Variants in TPST2 observed in about 807,000 individuals in gnomAD.
TPST2 encodes the protein protein-tyrosine sulfotransferase 2.
Under a neutral mutation model 27.8 loss-of-function variants are expected in TPST2, and 16 were observed. That is an observed-to-expected ratio of 0.58 (90% confidence interval 0.39 to 0.88). The LOEUF (loss-of-function observed/expected upper bound fraction) is 0.88, where lower values mean the gene tolerates loss of function less well. Ranked by LOEUF, TPST2 falls within the 40% of genes least tolerant of loss-of-function variation. The probability of loss-of-function intolerance (pLI) is 0.00; values close to 1 mark genes in which losing one functional copy is unlikely to be tolerated. For missense variants in TPST2, 464 were observed against 543.1 expected, an observed-to-expected ratio of 0.85 and a Z score of 1.45; for synonymous variants, 229 against 231.7, an observed-to-expected ratio of 0.99 and a Z score of 0.10.
At chr22:26,562,805 TACAG>T (rs1439730842) in intron 1 of TPST2, among the ~76,000 whole-genome samples, 2 of 152,104 alleles carry the variant, frequency 1.3e-5, no homozygotes, top group East Asian at 3.9e-4. Context: ...GTACTTTTAG[TACAG>T]ACAAGGTTTC....
intron 1 of TPST2, among the ~76,000 whole-genome samples, chr22:26,549,225 T>C (rs1283460054): frequency 6.6e-6 from 1 of 152,166 alleles, no homozygotes; most frequent in African/African-American, 2.4e-5. Flanking sequence ...TTTATCCCCA[T>C]CTGAGAAGTG....
rs112340628 is a variant in TPST2 at position 26,525,422 on chromosome 22, C to T, written c.*853G>A. The T allele has an allele frequency of 0.011, 1,654 of 152,320 alleles. 12 individuals carry two copies. Among genetic ancestry groups the T allele is most frequent in the Non-Finnish European group, 0.016 (1,099 of 68,054 alleles). The allele number at this position is 152,320 out of a possible 1,614,324, so 9.4% of individuals were successfully genotyped here. ...AGAGACGGGGTTTCACCATGTTGGC[C>T]AGGCTGGTCTCGAACTCCTGACCTC... is the stretch of plus-strand genomic sequence containing the variant. On this transcript the variant is annotated 3_prime_UTR_variant, in exon 7 of 7. Coordinates refer to ENST00000338754, the MANE Select transcript of TPST2 (RefSeq NM_003595.5).
chr22:26,531,277 G>A (rs558916003), intron 5 of TPST2, among the ~76,000 whole-genome samples: 34 of 152,290 alleles, frequency 2.2e-4, no homozygotes, highest in African/African-American at 7.7e-4. Context: ...AAATGGTCTT[G>A]AAGAAGCTGT....
intron 1 of TPST2, among the ~76,000 whole-genome samples, chr22:26,577,095 C>CA (rs34865016): frequency 0.018 from 1,348 of 75,298 alleles, 26 homozygotes; most frequent in African/African-American, 0.032. Flanking sequence ...GACTCTGTTG[C>CA]AAAAAAAAAA....
chr22:26,527,474 A>T (rs12159480), intron 6 of TPST2, among the ~76,000 whole-genome samples: 1 of 152,208 alleles, frequency 6.6e-6, no homozygotes, highest in Non-Finnish European at 1.5e-5. Flanking sequence ...TGAAGAAAAC[A>T]GGGGCTGAAG....
intron 1 of TPST2, among the ~76,000 whole-genome samples, chr22:26,580,866 G>A (rs1166003740): frequency 2.6e-5 from 4 of 152,026 alleles, no homozygotes; most frequent in Non-Finnish European, 4.4e-5. Context: ...GAAGACTTTC[G>A]CTCTGTGATT....
intron 3 of TPST2, 152 bp from the exon 4 acceptor site, chr22:26,536,638 T>C: frequency 1.5e-6 from 1 of 646,068 alleles, no homozygotes; most frequent in Non-Finnish European, 2.5e-6. Flanking sequence ...GGCAGGTGAG[T>C]CATTTTTGCC....
At chr22:26,558,673 G>A (rs974679183) in intron 1 of TPST2, among the ~76,000 whole-genome samples, 2 of 152,154 alleles carry the variant, frequency 1.3e-5, no homozygotes, top group Admixed American at 1.3e-4. Flanking sequence ...CAGAGTGGTG[G>A]GGGAGACCCT....
intron 1 of TPST2, among the ~76,000 whole-genome samples, chr22:26,552,210 C>G (rs1176376108): frequency 6.6e-6 from 1 of 152,148 alleles, no homozygotes; most frequent in Non-Finnish European, 1.5e-5. Context: ...CATTACAGCA[C>G]ATGGATAAAG....
intron 1 of TPST2, among the ~76,000 whole-genome samples, chr22:26,553,303 G>A (rs1257504488): frequency 6.6e-6 from 1 of 151,630 alleles, no homozygotes; most frequent in Non-Finnish European, 1.5e-5. Context: ...TCATGCATAG[G>A]GAATCATCCA....
intron 6 of TPST2, among the ~76,000 whole-genome samples, chr22:26,527,818 A>G (rs1220560242): frequency 6.6e-6 from 1 of 152,262 alleles, no homozygotes; most frequent in Non-Finnish European, 1.5e-5. Context: ...GACTGTTATT[A>G]GAACATTAAT....
intron 1 of TPST2, chr22:26,565,801 T>A (rs1233425448): frequency 1.3e-5 from 2 of 152,158 alleles, no homozygotes; most frequent in Non-Finnish European, 2.9e-5. Flanking sequence ...CTGAGATAGT[T>A]TATAGTCTTT....
Position 26,541,042 on chromosome 22 carries a change from C to T in TPST2, c.589G>A (p.Val197Ile), listed in dbSNP as rs1391617623. 1 of 1,614,024 alleles carries T rather than the reference C, an allele frequency of 6.2e-7. No individual in the cohort carries two copies. The highest frequency in any genetic ancestry group is 8.5e-7 in the Non-Finnish European group (1 of 1,180,006). ...CTGAGGTCAAAGCCCGCAATGGTGACTTTGCGCGTGATCATGGAGTGCACG... is the reference window on the plus strand; with the variant it reads ...CTGAGGTCAAAGCCCGCAATGGTGATTTTGCGCGTGATCATGGAGTGCACG... ...ASVHSMITRK[V>I]TIAGFDLSSY... Residue 197 changes from valine to isoleucine, a missense_variant, in exon 3 of 7, where the codon GTC becomes ATC. Physicochemically the swap from Val to Ile is conservative, Grantham distance 29 (BLOSUM62 3). Coordinates refer to ENST00000338754, the MANE Select transcript of TPST2 (RefSeq NM_003595.5). This position sits in a 1 kb window ranked among gnomAD's most constrained non-coding sequence, Gnocchi z 5.9.
chr22:26,540,240 C>T (rs532992685), intron 3 of TPST2, among the ~76,000 whole-genome samples: 1 of 152,172 alleles, frequency 6.6e-6, no homozygotes, highest in Non-Finnish European at 1.5e-5. Context: ...CCCAGACATC[C>T]TTGTTCTGGA....
At position 26,587,686 on chromosome 22, in the gene TPST2, T is replaced by C. The variant is rs182704157; in HGVS notation, c.-161+2367A>G. Among the ~76,000 whole-genome samples, 9 of 152,234 alleles carry C rather than the reference T, an allele frequency of 5.9e-5. No homozygotes were observed. The East Asian group carries it at 9.7e-4, about 16-fold the overall frequency. ...ACATCAAAGCCAGTGATTTCAAGGG[T>C]TATGACTGCTTCAGAGAACACTAAA... On this transcript the variant is annotated intron_variant, in intron 1 of 6. Coordinates refer to ENST00000338754, the MANE Select transcript of TPST2 (RefSeq NM_003595.5).
At chr22:26,559,984 A>T (rs1927004458) in intron 1 of TPST2, among the ~76,000 whole-genome samples, 1 of 152,210 alleles carries the variant, frequency 6.6e-6, no homozygotes, top group Non-Finnish European at 1.5e-5. Context: ...TGTATCATAT[A>T]CATATCAATG....
intron 1 of TPST2, among the ~76,000 whole-genome samples, chr22:26,578,853 C>CTTTTTTTT (rs869169533): frequency 1.4e-5 from 2 of 138,950 alleles, no homozygotes; most frequent in African/African-American, 2.7e-5. Context: ...TTCTTTCTTT[C>CTTTTTTTT]TTTTTTTTTT....
chr22:26,543,363 C>T (rs911025492), intron 2 of TPST2: 4 of 152,296 alleles, frequency 2.6e-5, no homozygotes, highest in Admixed American at 6.5e-5. Context: ...ATCCCTGCAA[C>T]GACCCTTTGT....
At chr22:26,553,289 A>G (rs1926586062) in intron 1 of TPST2, among the ~76,000 whole-genome samples, 1 of 151,996 alleles carries the variant, frequency 6.6e-6, no homozygotes, top group African/African-American at 2.4e-5. Context: ...AAAGAAGTGC[A>G]CACTCATGCA....
Sources: gnomAD v4.1 joint callset for allele counts (sites outside exome capture counted in the v4.1 genomes callset) on GRCh38, gnomAD v4.1.1 for gene constraint, Gnocchi (gnomAD v3.1) non-coding constraint, MANE v1.5 for transcripts, NCBI Gene and HGNC (gene_info 2026-07-23, HGNC 2026-07-21) for gene names.